Variants in TRPC7 observed in about 807,000 individuals in gnomAD.
TRPC7 encodes the protein transient receptor potential cation channel subfamily C member 7.
In TRPC7, 42 loss-of-function variants were observed where a neutral mutation model predicts 90.1. That is an observed-to-expected ratio of 0.47 (90% CI 0.36 to 0.60). The LOEUF is 0.60. TRPC7 is among the 20% of genes least tolerant of loss of function. The pLI is 0.00. For missense variants in TRPC7, 955 were observed against 1,112.3 expected (o/e 0.86, Z 2.01); for synonymous variants, 451 against 436.3 (o/e 1.03, Z -0.42).
Position 136,264,596 on chromosome 5 carries a change from G to T in TRPC7, c.1345+1624C>A, listed in dbSNP as rs566948797. ...TCACAGGGTTGCTGTTTTTTTTTTT[G>T]TTTGTTTTCTTTTTTAGACAGAGTC... On this transcript the variant is annotated intron_variant, in intron 5 of 11. Transcript: ENST00000513104. Among the ~76,000 whole-genome samples, 950 of 148,930 alleles carry T rather than the reference G, an allele frequency of 6.4e-3. 9 individuals are homozygous for T. The highest frequency in any genetic ancestry group is 0.021 in the African/African-American group (854 of 40,638).
intron 2 of TRPC7, among the ~76,000 whole-genome samples, chr5:136,332,578 A>G (rs1027818297): frequency 6.6e-6 from 1 of 152,198 alleles, no homozygotes; most frequent in African/African-American, 2.4e-5. Context: ...AAGGGAATTG[A>G]GTAAGGAGAG....
At position 136,356,975 on chromosome 5, in the gene TRPC7, G is replaced by T. The variant is rs1347533887; in HGVS notation, c.413C>A (p.Thr138Lys). ...CAGCTCCTGTTCCAGCGGGCTGAGC[G>T]TCAGGCGCTGGCCCTGCGCGAAGGC... Reference protein sequence around the residue: ...HPAFAQGQRLTLSPLEQELRD... With the variant: ...HPAFAQGQRLKLSPLEQELRD... Residue 138 changes from threonine (T) to lysine (K), a missense_variant, in exon 2 of 12, where the codon ACG becomes AAG. This residue lies in a region of TRPC7 where 484 missense variants were observed against 509.6 expected (regional missense o/e 0.95). Transcript: ENST00000513104. The T allele has an allele frequency of 1.9e-6, 3 of 1,612,392 alleles. No homozygotes were observed.
intron 2 of TRPC7, among the ~76,000 whole-genome samples, chr5:136,330,843 C>T (rs1759476113): frequency 6.6e-6 from 1 of 152,132 alleles, no homozygotes; most frequent in Non-Finnish European, 1.5e-5. Flanking sequence ...TAGCAAAGTG[C>T]CAGACTCTCC....
At chr5:136,270,774 G>A (rs1315032895) in intron 4 of TRPC7, among the ~76,000 whole-genome samples, 1 of 152,180 alleles carries the variant, frequency 6.6e-6, no homozygotes, top group African/African-American at 2.4e-5. Flanking sequence ...AAAGTGATCA[G>A]CTTCCGGCAC....
At chr5:136,354,758 A>C (rs6596302) in intron 2 of TRPC7, among the ~76,000 whole-genome samples, 3,484 of 152,208 alleles carry the variant, frequency 0.023, 144 homozygotes, top group African/African-American at 0.08. Context: ...TCCCCAACTG[A>C]TCTCTTCAGC....
intron 2 of TRPC7, among the ~76,000 whole-genome samples, chr5:136,339,464 T>C (rs1759775271): frequency 6.6e-6 from 1 of 152,236 alleles, no homozygotes; most frequent in Non-Finnish European, 1.5e-5. Flanking sequence ...GTCATGTAAC[T>C]GGAGGTTATT....
At chr5:136,225,096 T>C (rs891430888) in intron 10 of TRPC7, among the ~76,000 whole-genome samples, 178 bp downstream of exon 10, 2 of 152,144 alleles carry the variant, frequency 1.3e-5, no homozygotes, top group South Asian at 2.1e-4. Context: ...CATCTGTATC[T>C]GTATCCCCAG....
intron 5 of TRPC7, among the ~76,000 whole-genome samples, chr5:136,254,887 C>T (rs1296225408): frequency 6.6e-6 from 1 of 152,156 alleles, no homozygotes; most frequent in Non-Finnish European, 1.5e-5. Context: ...AGAATATCAA[C>T]ATTAAATGGA....
chr5:136,233,678 G>C (rs1052614313), intron 7 of TRPC7, among the ~76,000 whole-genome samples: 10 of 152,198 alleles, frequency 6.6e-5, no homozygotes, highest in Admixed American at 6.5e-5. Flanking sequence ...CAAAGGAATG[G>C]ATCATACTTG....
chr5:136,219,729 G>T (rs1755390634), intron 10 of TRPC7, among the ~76,000 whole-genome samples: 1 of 152,220 alleles, frequency 6.6e-6, no homozygotes, highest in Non-Finnish European at 1.5e-5. Flanking sequence ...TGGTGCCACT[G>T]CACTGCAGCC....
At chr5:136,325,318 C>G (rs1042056150) in intron 2 of TRPC7, among the ~76,000 whole-genome samples, 1 of 152,106 alleles carries the variant, frequency 6.6e-6, no homozygotes. Flanking sequence ...CCACTGATAT[C>G]GACAGCTCTT....
At chr5:136,340,889 T>G (rs183503173) in intron 2 of TRPC7, among the ~76,000 whole-genome samples, 1 of 152,294 alleles carries the variant, frequency 6.6e-6, no homozygotes, top group African/African-American at 2.4e-5. Flanking sequence ...TTAGTCTTAC[T>G]TATAAAAGAA....
In TRPC7 at chr5:136,357,223, G is replaced by A; in HGVS notation, c.165C>T (p.Asn55=). The change falls in exon 2 of 12, where the codon AAC becomes AAT. Residue 55 remains asparagine (N), a synonymous_variant. Transcript: ENST00000513104. ...CCAGCATTTTCCGGACCACCGGGATGTTGCCATACTCAGCCGAGTCCAGGA... is the reference window on the plus strand; with the variant it reads ...CCAGCATTTTCCGGACCACCGGGATATTGCCATACTCAGCCGAGTCCAGGA... ...ERFLDSAEYG[N]IPVVRKMLEE... is the part of the protein sequence containing the mutation. 2 of 1,613,996 alleles carry A rather than the reference G, an allele frequency of 1.2e-6. No individual in the cohort carries two copies. The highest frequency in any genetic ancestry group is 1.7e-6 in the Non-Finnish European group (2 of 1,180,012).
intron 2 of TRPC7, among the ~76,000 whole-genome samples, chr5:136,336,529 C>CT (rs1456595820): frequency 6.6e-6 from 1 of 150,480 alleles, no homozygotes; most frequent in Admixed American, 6.6e-5. Flanking sequence ...AATATATATA[C>CT]TTTAAGTTCT....
At position 136,340,463 on chromosome 5, in the gene TRPC7, A is replaced by C. The variant is rs1224283884; in HGVS notation, c.780+16145T>G. On this transcript the variant is annotated intron_variant, in intron 2 of 11. Transcript: ENST00000513104. Reference sequence around the variant, plus strand: ...AGGACTTTAAGTATTTTCACTGTAAAGAAATAAGTATTTGAGGTGATTAAT... The same window carrying C: ...AGGACTTTAAGTATTTTCACTGTAACGAAATAAGTATTTGAGGTGATTAAT... Among the ~76,000 whole-genome samples the C allele has an allele frequency of 3.9e-5, 6 of 152,342 alleles. 1 individual carries two copies. In the East Asian group the frequency reaches 9.6e-4, roughly 24 times the overall value.
At chr5:136,355,084 G>A (rs17763790) in intron 2 of TRPC7, among the ~76,000 whole-genome samples, 46,718 of 152,142 alleles carry the variant, frequency 0.31, 7,919 homozygotes, top group Admixed American at 0.43. Flanking sequence ...TTTCACTTGC[G>A]GTAACAGCTC....
At chr5:136,360,830 C>T (rs1296371912) in intron 1 of TRPC7, among the ~76,000 whole-genome samples, 3 of 152,132 alleles carry the variant, frequency 2.0e-5, no homozygotes, top group Non-Finnish European at 2.9e-5. Context: ...TTGATGGAGG[C>T]CTTTTAACCT....
chr5:136,219,405 C>G (rs1181127887), intron 10 of TRPC7, among the ~76,000 whole-genome samples: 3 of 152,228 alleles, frequency 2.0e-5, no homozygotes, highest in Non-Finnish European at 4.4e-5. Context: ...CTCCTCACCT[C>G]CAGGGCACTT....
intron 3 of TRPC7, among the ~76,000 whole-genome samples, chr5:136,296,924 C>G (rs1388967018): frequency 6.6e-6 from 1 of 152,200 alleles, no homozygotes; most frequent in East Asian, 1.9e-4. Context: ...AGCCAGGAGT[C>G]CTGCCCCTGC....
Sources: allele counts gnomAD v4.1 joint callset (sites outside exome capture counted in the v4.1 genomes callset), GRCh38; gene constraint gnomAD v4.1.1; regional missense constraint gnomAD v4.1.1; transcripts MANE v1.5; gene names NCBI Gene and HGNC (gene_info 2026-07-23, HGNC 2026-07-21).